The following USP50 variants were observed in gnomAD, a reference collection of about 807,000 sequenced individuals.
USP50 encodes the protein ubiquitin carboxyl-terminal hydrolase 50.
A neutral mutation model predicts 39.2 loss-of-function variants in USP50; 37 were observed. The observed-to-expected ratio is 0.94, with a 90% confidence interval of 0.73 to 1.24. The LOEUF is 1.24. Among genes scored for constraint, USP50 ranks in the 50% most tolerant of loss-of-function variants. The probability of loss-of-function intolerance (pLI) is 0.00; values close to 1 mark genes in which losing one functional copy is unlikely to be tolerated. For missense variants in USP50, 374 were observed against 398.2 expected (o/e 0.94, Z 0.52); for synonymous variants, 139 against 144.5 (o/e 0.96, Z 0.27).
At chr15:50,493,080 C>T (rs755477650), downstream of USP50, 3 of 761,998 alleles carry the variant, frequency 3.9e-6, no homozygotes, top group Admixed American at 2.0e-5. Flanking sequence ...GGAAGGCCAT[C>T]GTCTAGGTGC....
At chr15:50,510,188 T>C (rs1236278180) in intron 6 of USP50, 1 of 152,156 alleles carries the variant, frequency 6.6e-6, no homozygotes, top group Non-Finnish European at 1.5e-5. Flanking sequence ...GCTGAGACAT[T>C]TGGTTATTCA....
At chr15:50,529,766 G>A in intron 6 of USP50, 31 bp downstream of exon 6, 4 of 1,594,004 alleles carry the variant, frequency 2.5e-6, no homozygotes, top group Non-Finnish European at 3.4e-6. Context: ...CTTTAAAATT[G>A]GATTACTTTT....
chr15:50,525,805 AATATTAATG>A (rs1451382165), intron 6 of USP50, among the ~76,000 whole-genome samples: 1 of 95,942 alleles, frequency 1.0e-5, no homozygotes, highest in Non-Finnish European at 2.2e-5. Flanking sequence ...AATTAAAAAT[AATATTAATG>A]AGTTTAAAAG....
downstream of USP50, chr15:50,495,851 G>T: frequency 6.2e-7 from 1 of 1,608,486 alleles, no homozygotes; most frequent in South Asian, 1.1e-5. Flanking sequence ...TTTCCAGGCT[G>T]ATAATCGGAA....
chr15:50,515,454 C>T (rs752840257), intron 6 of USP50, among the ~76,000 whole-genome samples: 16 of 151,900 alleles, frequency 1.1e-4, no homozygotes, highest in Non-Finnish European at 1.6e-4. Context: ...GTTGGCCAGG[C>T]TGGTCTCGAA....
intron 6 of USP50, among the ~76,000 whole-genome samples, chr15:50,524,902 A>C (rs1403687032): frequency 6.6e-6 from 1 of 151,920 alleles, no homozygotes; most frequent in Non-Finnish European, 1.5e-5. Flanking sequence ...CAAAAAAAAA[A>C]CCCTACCACC....
At chr15:50,513,521 A>T in intron 6 of USP50, 1 of 148,588 alleles carries the variant, frequency 6.7e-6, no homozygotes, top group African/African-American at 2.5e-5. Context: ...AACTGTCTAA[A>T]AAAAAAAAAA....
chr15:50,517,506 T>C (rs1422566933), intron 6 of USP50, among the ~76,000 whole-genome samples: 4 of 151,736 alleles, frequency 2.6e-5, no homozygotes, highest in African/African-American at 9.7e-5. Context: ...GAAATCATAT[T>C]AGGTACTTTT....
chr15:50,510,046 TAATTTAATA>T (rs2052717144), intron 6 of USP50: 1 of 152,070 alleles, frequency 6.6e-6, no homozygotes, highest in African/African-American at 2.4e-5. Flanking sequence ...AATTCAATAT[TAATTTAATA>T]AATTTAATAT....
intron 6 of USP50, chr15:50,504,522 C>CA (rs925523687): frequency 6.6e-5 from 10 of 151,994 alleles, no homozygotes; most frequent in African/African-American, 2.2e-4. Flanking sequence ...GACCTTGTCT[C>CA]AAAAAACAAA....
chr15:50,523,096 A>T (rs548638905), intron 6 of USP50, among the ~76,000 whole-genome samples: 1 of 151,248 alleles, frequency 6.6e-6, no homozygotes, highest in South Asian at 2.1e-4. Flanking sequence ...ACCCCTAAAA[A>T]CTCCACCAAA....
At chr15:50,521,225 A>G (rs1462267012) in intron 6 of USP50, among the ~76,000 whole-genome samples, 2 of 152,116 alleles carry the variant, frequency 1.3e-5, no homozygotes, top group African/African-American at 4.8e-5. Flanking sequence ...TATTTTTAGT[A>G]GAGATGGGGT....
intron 6 of USP50, among the ~76,000 whole-genome samples, chr15:50,520,936 A>G (rs1351610202): frequency 6.6e-6 from 1 of 152,234 alleles, no homozygotes; most frequent in Non-Finnish European, 1.5e-5. Flanking sequence ...CAATAACTGC[A>G]TATTATTTGT....
intron 2 of USP50, 49 bp from the exon 3 acceptor site, chr15:50,543,842 G>A: frequency 6.5e-7 from 1 of 1,539,912 alleles, no homozygotes; most frequent in Non-Finnish European, 8.9e-7. Context: ...TGAAAAGAAG[G>A]CACCTAATCA....
chr15:50,537,873 AGGGAGGGGAGGGGAG>A (rs1181651378), intron 5 of USP50, among the ~76,000 whole-genome samples: 1 of 22,178 alleles, frequency 4.5e-5, no homozygotes, highest in Admixed American at 7.3e-4. Flanking sequence ...AGGGGAGGGG[AGGGAGGGGAGGGGAG>A]GGGAGGGGAG....
chr15:50,521,686 A>C (rs1406564171), intron 6 of USP50, among the ~76,000 whole-genome samples: 1 of 152,130 alleles, frequency 6.6e-6, no homozygotes, highest in Non-Finnish European at 1.5e-5. Flanking sequence ...AATGAAGCCG[A>C]GTACAATGGC....
At chr15:50,536,851 T>C (rs116972292) in intron 5 of USP50, among the ~76,000 whole-genome samples, 381 of 152,300 alleles carry the variant, frequency 2.5e-3, no homozygotes, top group Non-Finnish European at 4.3e-3. Context: ...GCTTCAATAT[T>C]GTCAAGATGT....
At chr15:50,516,182 C>T (rs2052802191) in intron 6 of USP50, among the ~76,000 whole-genome samples, 1 of 152,056 alleles carries the variant, frequency 6.6e-6, no homozygotes, top group Non-Finnish European at 1.5e-5. Context: ...CACAGAAAAC[C>T]ATCAAATCAC....
intron 6 of USP50, chr15:50,505,320 C>T (rs952847659): frequency 3.9e-5 from 6 of 152,230 alleles, no homozygotes; most frequent in Non-Finnish European, 8.8e-5. Flanking sequence ...AGAATCTAAC[C>T]TGCTGGTAGA....
Sources: allele counts gnomAD v4.1 joint callset (sites outside exome capture counted in the v4.1 genomes callset), GRCh38; gene constraint gnomAD v4.1.1; transcripts MANE v1.5; gene names NCBI Gene and HGNC (gene_info 2026-07-23, HGNC 2026-07-21).